The following SMC5 variants were observed in gnomAD, a reference collection of about 807,000 sequenced individuals.
SMC5 encodes structural maintenance of chromosomes protein 5.
A neutral mutation model predicts 148.3 loss-of-function variants in SMC5; 88 were observed. The observed-to-expected ratio is 0.59, with a 90% confidence interval of 0.50 to 0.71. The LOEUF (loss-of-function observed/expected upper bound fraction) is 0.71, where lower values mean the gene tolerates loss of function less well. SMC5 is among the 30% of genes least tolerant of loss of function. SMC5 has a pLI of 0.00. For synonymous variants in SMC5, 421 were observed against 432.8 expected, an observed-to-expected ratio of 0.97 and a Z score of 0.34; for missense variants, 1,142 against 1,298.9, an observed-to-expected ratio of 0.88 and a Z score of 1.86.
At chr9:70,290,040 G>A (rs769716965) in intron 8 of SMC5, among the ~76,000 whole-genome samples, 64 of 152,138 alleles carry the variant, frequency 4.2e-4, no homozygotes, top group Non-Finnish European at 6.5e-4. Flanking sequence ...GATTAGGGAA[G>A]CTGAACCTGT....
At chr9:70,352,145 C>T (rs2036819926) in intron 24 of SMC5, 46 bp from the exon 25 acceptor site, 2 of 1,499,210 alleles carry the variant, frequency 1.3e-6, no homozygotes, top group Non-Finnish European at 1.8e-6. Flanking sequence ...GAAAACTATA[C>T]TTCTCAGTAT....
At chr9:70,318,109 G>T (rs549073896) in intron 13 of SMC5, among the ~76,000 whole-genome samples, 67 of 152,228 alleles carry the variant, frequency 4.4e-4, no homozygotes, top group African/African-American at 1.6e-3. Flanking sequence ...ATTGCTAGAT[G>T]CAGTGGCTCA....
Position 70,318,565 on chromosome 9 carries a change from G to A in SMC5, c.1858G>A (p.Val620Met), listed in dbSNP as rs2035867901. The change falls in exon 14 of 25, where the codon GTG becomes ATG. Residue 620 changes from valine (V) to methionine (M), a missense_variant. Coordinates refer to ENST00000361138, the MANE Select transcript of SMC5 (RefSeq NM_015110.4). ...GATTTATACAGCAGAAGAAAAGTAT[G>A]TGGTGAAAACTTCTTTTTATTCAAA... The part of the protein sequence containing the change: ...KQIYTAEEKY[V>M]VKTSFYSNKV... 2 of 1,611,774 alleles carry A rather than the reference G, an allele frequency of 1.2e-6. No individual in the cohort carries two copies. The highest frequency in any genetic ancestry group is 1.3e-5 in the African/African-American group (1 of 74,846).
intron 9 of SMC5, among the ~76,000 whole-genome samples, chr9:70,298,877 T>G (rs1163858332): frequency 6.6e-6 from 1 of 151,940 alleles, no homozygotes; most frequent in Admixed American, 6.6e-5. Flanking sequence ...ATATTCTTAT[T>G]TCACTATTGC....
chr9:70,335,249 T>C (rs1400394665), intron 17 of SMC5, among the ~76,000 whole-genome samples: 1 of 152,108 alleles, frequency 6.6e-6, no homozygotes, highest in Non-Finnish European at 1.5e-5. Flanking sequence ...CCCAGCACTT[T>C]AGGAGGCCAA....
At chr9:70,304,373 G>A (rs1370897433) in intron 10 of SMC5, among the ~76,000 whole-genome samples, 1 of 152,000 alleles carries the variant, frequency 6.6e-6, no homozygotes, top group East Asian at 1.9e-4. Flanking sequence ...TACCACGCCT[G>A]GCCCAGTTAA....
chr9:70,259,165 G>T lies in SMC5; in HGVS notation c.87G>T (p.Pro29=). The part of the protein sequence containing the change: ...ALPRDPSSEV[P]SKRKNSAPQL... The stretch of plus-strand genomic sequence containing the variant: ...CGAGAGACCCTTCGTCGGAGGTCCC[G>T]AGCAAGAGGAAGAATTCGGCCCCGC... The change falls in exon 1 of 25, where the codon CCG becomes CCT. Residue 29 remains proline, a synonymous_variant. Coordinates refer to ENST00000361138, the MANE Select transcript of SMC5 (RefSeq NM_015110.4). 6.2e-7 allele frequency: 1 copy of T among 1,611,674 alleles called. No individual in the cohort carries two copies. The highest frequency in any genetic ancestry group is 8.5e-7 in the Non-Finnish European group (1 of 1,178,990).
intron 1 of SMC5, among the ~76,000 whole-genome samples, chr9:70,262,014 G>A (rs2034152176): frequency 6.6e-6 from 1 of 152,192 alleles, no homozygotes; most frequent in African/African-American, 2.4e-5. Flanking sequence ...GAAGGTAGCT[G>A]GAAGTGCAGA....
intron 6 of SMC5, among the ~76,000 whole-genome samples, chr9:70,282,212 C>T (rs1262791696): frequency 3.3e-5 from 5 of 152,050 alleles, no homozygotes; most frequent in East Asian, 1.9e-4. Flanking sequence ...TAGAAATAAA[C>T]GCTCAGTGAT....
At chr9:70,332,102 G>T (rs573092521) in intron 17 of SMC5, among the ~76,000 whole-genome samples, 1 of 152,130 alleles carries the variant, frequency 6.6e-6, no homozygotes, top group Non-Finnish European at 1.5e-5. Context: ...AAGGTCACTC[G>T]AGAAGATAAT....
intron 15 of SMC5, among the ~76,000 whole-genome samples, chr9:70,322,462 C>G (rs890167734): frequency 2.6e-5 from 4 of 152,312 alleles, no homozygotes; most frequent in Admixed American, 2.0e-4. Context: ...CTCTGCCTGA[C>G]TAGTCACTTC....
Position 70,278,628 on chromosome 9 carries a change from A to G in SMC5, c.678+3A>G, listed in dbSNP as rs2034662235. 6.3e-7 allele frequency: 1 copy of G among 1,596,340 alleles called. No individual in the cohort carries two copies. The highest frequency in any genetic ancestry group is 8.5e-7 in the Non-Finnish European group (1 of 1,175,614). Reference sequence around the variant, plus strand: ...GGGAGAAAGAAAAACAGCTCGAGGTACTTTAAATAGACAACTCATTTGTAT... The same window carrying G: ...GGGAGAAAGAAAAACAGCTCGAGGTGCTTTAAATAGACAACTCATTTGTAT... On this transcript the variant is annotated splice_donor_region_variant and intron_variant, in intron 5 of 24. Transcript: ENST00000361138.
rs1257206615 is a variant in SMC5 at position 70,352,795 on chromosome 9, T to C, written c.*464T>C. 1 of 152,490 alleles carries C rather than the reference T, an allele frequency of 6.6e-6. No individual in the cohort carries two copies. Among genetic ancestry groups the C allele is most frequent in the Non-Finnish European group, 1.5e-5 (1 of 68,242 alleles). 9.4% of individuals were successfully genotyped at this position (152,490 alleles called of 1,614,324 possible). A position where few individuals can be genotyped will look rare whatever the true frequency, so the allele number is the denominator to read the frequency against. Reference sequence around the variant, plus strand: ...TGATATGAAAATGTCTAATGTATAGTAATAATTTATGACAGATCTAGTCAT... The same window carrying C: ...TGATATGAAAATGTCTAATGTATAGCAATAATTTATGACAGATCTAGTCAT... On this transcript the variant is annotated 3_prime_UTR_variant, in exon 25 of 25. Coordinates refer to ENST00000361138, the MANE Select transcript of SMC5 (RefSeq NM_015110.4).
At chr9:70,261,147 A>G (rs2034117386) in intron 1 of SMC5, among the ~76,000 whole-genome samples, 1 of 152,182 alleles carries the variant, frequency 6.6e-6, no homozygotes, top group Non-Finnish European at 1.5e-5. Flanking sequence ...TAAGGCAAGA[A>G]TATAGGATGT....
At chr9:70,327,080 A>G (rs10868802) in intron 17 of SMC5, among the ~76,000 whole-genome samples, 24,996 of 152,172 alleles carry the variant, frequency 0.16, 2,667 homozygotes, top group East Asian at 0.4. Context: ...TGAACTCACA[A>G]TGTATTTTCT....
intron 12 of SMC5, 66 bp downstream of exon 12, chr9:70,314,902 TA>T: frequency 9.6e-7 from 1 of 1,041,248 alleles, no homozygotes; most frequent in Non-Finnish European, 1.4e-6. Context: ...GTTACATAAA[TA>T]AGCTATTACA....
chr9:70,285,671 G>T (rs2034878251), intron 7 of SMC5, among the ~76,000 whole-genome samples: 1 of 152,100 alleles, frequency 6.6e-6, no homozygotes, highest in African/African-American at 2.4e-5. Flanking sequence ...TTTCTGTATA[G>T]CCCTGTTTTC....
chr9:70,315,246 T>G (rs916664147), intron 12 of SMC5, among the ~76,000 whole-genome samples, 200 bp from the exon 13 acceptor site: 1 of 151,966 alleles, frequency 6.6e-6, no homozygotes, highest in African/African-American at 2.4e-5. Context: ...AAGAGTAGTT[T>G]GTAATCATAA....
intron 15 of SMC5, 76 bp downstream of exon 15, chr9:70,319,039 ACAG>A: frequency 7.7e-7 from 1 of 1,291,364 alleles, no homozygotes; most frequent in Non-Finnish European, 1.0e-6. Context: ...TGTAATAACA[ACAG>A]CATTTCCACA....
Sources: gnomAD v4.1 joint callset for allele counts (sites outside exome capture counted in the v4.1 genomes callset) on GRCh38, gnomAD v4.1.1 for gene constraint, MANE v1.5 for transcripts, NCBI Gene and HGNC (gene_info 2026-07-23, HGNC 2026-07-21) for gene names.